Variants in GPC6 observed in about 807,000 individuals in gnomAD.
GPC6 encodes the protein glypican 6, also known as glypican-6.
GPC6 carries 14 observed loss-of-function variants against 55.2 expected under a neutral mutation model. That is an observed-to-expected ratio of 0.25 (90% CI 0.17 to 0.40). GPC6 has a LOEUF of 0.40. Ranked by LOEUF, GPC6 falls within the 10% of genes least tolerant of loss-of-function variation. GPC6 has a pLI of 1.00. For synonymous variants in GPC6, 278 were observed against 259.6 expected (o/e 1.07, Z -0.68); for missense variants, 641 against 708.5 (o/e 0.90, Z 1.08).
chr13:93,314,715 GTGT>G (rs1879183932), intron 1 of GPC6, among the ~76,000 whole-genome samples: 3 of 26,510 alleles, frequency 1.1e-4, no homozygotes, highest in East Asian at 2.3e-3. Context: ...AAGGAGGGGT[GTGT>G]GTGTGTGTGT....
chr13:93,961,984 G>T (rs1274542114), intron 3 of GPC6, among the ~76,000 whole-genome samples: 1 of 152,098 alleles, frequency 6.6e-6, no homozygotes, highest in Non-Finnish European at 1.5e-5. Flanking sequence ...TATTCCTGAG[G>T]CTGTTCACCA....
chr13:93,793,243 G>C (rs926827878), intron 2 of GPC6, among the ~76,000 whole-genome samples: 2 of 152,100 alleles, frequency 1.3e-5, no homozygotes, highest in Non-Finnish European at 2.9e-5. Flanking sequence ...ATGAATTCTA[G>C]AATGGTACTA....
At chr13:93,639,711 T>C (rs1339949090) in intron 2 of GPC6, among the ~76,000 whole-genome samples, 1 of 152,088 alleles carries the variant, frequency 6.6e-6, no homozygotes, top group Non-Finnish European at 1.5e-5. Flanking sequence ...TAATTGCCCG[T>C]TTTGTAGATG....
chr13:94,178,451 G>T (rs1888867534), intron 4 of GPC6, among the ~76,000 whole-genome samples: 1 of 152,156 alleles, frequency 6.6e-6, no homozygotes, highest in Non-Finnish European at 1.5e-5. Flanking sequence ...ATTAAACAGT[G>T]ATTTCAACAA....
At chr13:94,130,001 C>A (rs1244208695) in intron 4 of GPC6, among the ~76,000 whole-genome samples, 1 of 151,850 alleles carries the variant, frequency 6.6e-6, no homozygotes. Context: ...TAAGATATAC[C>A]TTTTTTCCAT....
At chr13:93,908,092 G>A (rs1876770044) in intron 3 of GPC6, among the ~76,000 whole-genome samples, 1 of 152,142 alleles carries the variant, frequency 6.6e-6, no homozygotes, top group South Asian at 2.1e-4. Flanking sequence ...AGGAGAGAGA[G>A]AGAGTGAATC....
At chr13:93,741,932 A>G (rs1331911814) in intron 2 of GPC6, among the ~76,000 whole-genome samples, 1 of 152,238 alleles carries the variant, frequency 6.6e-6, no homozygotes, top group Non-Finnish European at 1.5e-5. Flanking sequence ...CTATATTTAC[A>G]TATTATATTT....
intron 3 of GPC6, among the ~76,000 whole-genome samples, chr13:93,874,256 G>A (rs1010931149): frequency 1.2e-4 from 18 of 151,862 alleles, no homozygotes; most frequent in South Asian, 4.2e-4. Flanking sequence ...TTGTGTTCAT[G>A]TGTTTTATCA....
intron 2 of GPC6, among the ~76,000 whole-genome samples, chr13:93,557,952 G>C (rs1486879939): frequency 1.3e-5 from 2 of 151,952 alleles, no homozygotes; most frequent in Non-Finnish European, 2.9e-5. Flanking sequence ...ACAGTCTACA[G>C]TCTTTTCTTC....
chr13:93,458,638 G>A (rs1878562518), intron 1 of GPC6, among the ~76,000 whole-genome samples: 1 of 152,086 alleles, frequency 6.6e-6, no homozygotes. Context: ...CGCTGTTAAA[G>A]TCTAGGTAAT....
At chr13:94,106,254 A>T (rs1886048274) in intron 4 of GPC6, among the ~76,000 whole-genome samples, 1 of 152,264 alleles carries the variant, frequency 6.6e-6, no homozygotes, top group Admixed American at 6.5e-5. Context: ...CAAGTGTGAG[A>T]AATCACAATG....
chr13:94,305,724 T>C (rs1875907765), intron 5 of GPC6, among the ~76,000 whole-genome samples: 1 of 152,174 alleles, frequency 6.6e-6, no homozygotes, highest in South Asian at 2.1e-4. Flanking sequence ...TTTGCAAATA[T>C]GTATCTACCA....
intron 3 of GPC6, among the ~76,000 whole-genome samples, chr13:93,852,863 C>G (rs1420136054): frequency 6.6e-6 from 1 of 151,520 alleles, no homozygotes; most frequent in Non-Finnish European, 1.5e-5. Flanking sequence ...AGTATCATTC[C>G]CAGAAGGGAT....
chr13:94,375,303 C>G (rs1371184363), intron 6 of GPC6, among the ~76,000 whole-genome samples: 1 of 151,568 alleles, frequency 6.6e-6, no homozygotes, highest in African/African-American at 2.4e-5. Flanking sequence ...AGACTTCTAG[C>G]AAGACTAATA....
chr13:94,156,628 G>A (rs1207293642), intron 4 of GPC6, among the ~76,000 whole-genome samples: 10 of 152,116 alleles, frequency 6.6e-5, no homozygotes, highest in Non-Finnish European at 1.3e-4. Context: ...TACTTTGTGA[G>A]GCTGCTCAAA....
intron 2 of GPC6, among the ~76,000 whole-genome samples, chr13:93,689,821 A>T (rs886284027): frequency 6.6e-6 from 1 of 152,090 alleles, no homozygotes; most frequent in African/African-American, 2.4e-5. Flanking sequence ...AGCAGAAAGG[A>T]TATTGATTAT....
intron 3 of GPC6, among the ~76,000 whole-genome samples, chr13:93,954,109 C>G (rs1879387729): frequency 6.6e-6 from 1 of 152,136 alleles, no homozygotes; most frequent in East Asian, 1.9e-4. Context: ...CTTTCTGTCT[C>G]TAAGCATGAC....
chr13:93,481,084 A>G (rs1178891296), intron 1 of GPC6, among the ~76,000 whole-genome samples: 1 of 152,152 alleles, frequency 6.6e-6, no homozygotes, highest in East Asian at 1.9e-4. Flanking sequence ...CCAGTTCTCC[A>G]CATCCTCAAC....
At chr13:93,245,636 T>C (rs1391744359) in intron 1 of GPC6, among the ~76,000 whole-genome samples, 1 of 152,228 alleles carries the variant, frequency 6.6e-6, no homozygotes, top group Admixed American at 6.5e-5. Flanking sequence ...GCTCATACTC[T>C]GGTTGCCATT....
Sources: gnomAD v4.1 joint callset for allele counts (sites outside exome capture counted in the v4.1 genomes callset) on GRCh38, gnomAD v4.1.1 for gene constraint, MANE v1.5 for transcripts, NCBI Gene and HGNC (gene_info 2026-07-23, HGNC 2026-07-21) for gene names.